The following ATP11A variants were observed in gnomAD, a reference collection of about 807,000 sequenced individuals.
The protein encoded by ATP11A is phospholipid-transporting ATPase IH.
ATP11A carries 81 observed loss-of-function variants against 154.4 expected under a neutral mutation model. The ratio of observed to expected loss-of-function variants is 0.52; its 90% CI spans 0.44 to 0.63. The LOEUF (loss-of-function observed/expected upper bound fraction) is 0.63. ATP11A is among the 30% of genes least tolerant of loss of function. The pLI is 0.00. For missense variants in ATP11A, 1,316 were observed against 1,474.3 expected, an observed-to-expected ratio of 0.89 and a Z score of 1.76; for synonymous variants, 623 against 585.9, an observed-to-expected ratio of 1.06 and a Z score of -0.91.
chr13:112,858,234 C>T lies in ATP11A; in HGVS notation c.2611C>T (p.His871Tyr). The change falls in exon 22 of 30, where the codon CAC becomes TAC. Residue 871 changes from histidine to tyrosine, a missense_variant. Around this residue, in one of 5 missense-constraint regions of ATP11A, gnomAD observed 19 missense variants for 46.6 expected, o/e 0.41. Transcript: ENST00000375645. ...GCATTTGAAGAAGATGCTGCTTGTT[C>T]ACGGGCATTTTTATTACATTAGGAT... ...FKHLKKMLLV[H>Y]GHFYYIRISE... 1.2e-6 allele frequency: 2 copies of T among 1,614,112 alleles called. No homozygotes were observed. The highest frequency in any genetic ancestry group is 1.7e-6 in the Non-Finnish European group (2 of 1,180,016).
chr13:112,725,597 G>A (rs958806629), intron 1 of ATP11A, among the ~76,000 whole-genome samples: 1 of 152,200 alleles, frequency 6.6e-6, no homozygotes, highest in Non-Finnish European at 1.5e-5. Flanking sequence ...CCAAGTGTGG[G>A]AAGCTTTTCT....
At chr13:112,711,809 T>G (rs1166950206) in intron 1 of ATP11A, among the ~76,000 whole-genome samples, 1 of 152,234 alleles carries the variant, frequency 6.6e-6, no homozygotes, top group Non-Finnish European at 1.5e-5. Context: ...AGCTCTTGGA[T>G]TGCTGTGAAC....
At chr13:112,705,174 A>G (rs991067921) in intron 1 of ATP11A, among the ~76,000 whole-genome samples, 1 of 152,244 alleles carries the variant, frequency 6.6e-6, no homozygotes, top group African/African-American at 2.4e-5. Flanking sequence ...ATCTGAAAGC[A>G]ACATGTAAAA....
chr13:112,811,044 T>A (rs542235626), intron 5 of ATP11A, among the ~76,000 whole-genome samples: 2 of 151,360 alleles, frequency 1.3e-5, no homozygotes, highest in Non-Finnish European at 2.9e-5. Flanking sequence ...AGGCCCAAGC[T>A]CCCTACTTCT....
chr13:112,826,690 G>A lies in ATP11A; in HGVS notation c.1024-4G>A. ...GTGCTGACCCGCACCTTCTGCTCTT[G>A]CAGTTCCTCAAGGCATTCACGGACT... On this transcript the variant is annotated splice_region_variant and splice_polypyrimidine_tract_variant and intron_variant, in intron 11 of 29. Coordinates refer to ENST00000375645, the MANE Select transcript of ATP11A (RefSeq NM_015205.3). 1 of 1,614,024 alleles carries A rather than the reference G, an allele frequency of 6.2e-7. No homozygotes were observed. Among genetic ancestry groups the A allele is most frequent in the Non-Finnish European group, 8.5e-7 (1 of 1,180,002 alleles).
intron 1 of ATP11A, among the ~76,000 whole-genome samples, chr13:112,719,574 A>G (rs1422365599): frequency 6.6e-6 from 1 of 152,238 alleles, no homozygotes; most frequent in East Asian, 1.9e-4. Flanking sequence ...GAGAGCTCCC[A>G]CTGGGCAATG....
intron 12 of ATP11A, among the ~76,000 whole-genome samples, chr13:112,830,171 A>G (rs1011030170): frequency 2.0e-5 from 3 of 152,244 alleles, no homozygotes; most frequent in Admixed American, 2.0e-4. Flanking sequence ...GTTCACTTTC[A>G]TGGTCATGTT....
chr13:112,824,673 C>T (rs540890326), intron 10 of ATP11A, among the ~76,000 whole-genome samples: 43 of 152,206 alleles, frequency 2.8e-4, no homozygotes, highest in Non-Finnish European at 4.7e-4. Context: ...GACGCCCTGA[C>T]GTTCCGGTTC....
intron 1 of ATP11A, chr13:112,745,578 G>T (rs1332480855): frequency 6.6e-6 from 1 of 152,080 alleles, no homozygotes; most frequent in Non-Finnish European, 1.5e-5. Context: ...ATCAGAGACA[G>T]TTTCAAATTT....
At chr13:112,793,752 C>T (rs995394372) in intron 2 of ATP11A, among the ~76,000 whole-genome samples, 2 of 152,234 alleles carry the variant, frequency 1.3e-5, no homozygotes, top group African/African-American at 4.8e-5. Context: ...GTTGAGGCTT[C>T]AGACAGCTTG....
At chr13:112,783,131 G>A (rs987914846) in intron 1 of ATP11A, among the ~76,000 whole-genome samples, 6 of 152,302 alleles carry the variant, frequency 3.9e-5, no homozygotes, top group East Asian at 1.9e-4. Flanking sequence ...GCTCCTGTCC[G>A]GGACGTTCTG....
At chr13:112,720,466 G>A (rs1889019224) in intron 1 of ATP11A, among the ~76,000 whole-genome samples, 1 of 152,256 alleles carries the variant, frequency 6.6e-6, no homozygotes, top group African/African-American at 2.4e-5. Flanking sequence ...GTCTGCTGTG[G>A]CCGCGGGTCC....
rs933904238 is a variant in ATP11A at position 112,746,643 on chromosome 13, T to C, written c.40-38492T>C. 8 of 149,586 alleles carry C rather than the reference T, an allele frequency of 5.3e-5. No individual in the cohort carries two copies. Among genetic ancestry groups the C allele is most frequent in the Non-Finnish European group, 1.2e-4 (8 of 67,714 alleles). The allele number at this position is 149,586 out of a possible 1,614,324, so 9.3% of individuals were successfully genotyped here. On this transcript the variant is annotated intron_variant, in intron 1 of 29. Transcript: ENST00000375645. This position sits in a 1 kb window ranked among gnomAD's most constrained non-coding sequence, Gnocchi z 4.1. ...TCACTGCAGCTTCGACCTCCTGGGC[T>C]CAAGCGATCCTCCCACCTCAGTCTC... is the stretch of plus-strand genomic sequence containing the variant.
intron 1 of ATP11A, among the ~76,000 whole-genome samples, chr13:112,731,352 C>G (rs181040818): frequency 1.3e-4 from 20 of 151,018 alleles, no homozygotes; most frequent in Admixed American, 9.2e-4. Flanking sequence ...CTAAAGAAAA[C>G]AGAAATGCCA....
At chr13:112,719,323 T>C (rs917634801) in intron 1 of ATP11A, among the ~76,000 whole-genome samples, 5 of 152,244 alleles carry the variant, frequency 3.3e-5, no homozygotes, top group African/African-American at 1.2e-4. Flanking sequence ...CTCAATGCCT[T>C]GCATGCCTTT....
At chr13:112,712,786 TAA>T (rs1486206019) in intron 1 of ATP11A, among the ~76,000 whole-genome samples, 1 of 152,084 alleles carries the variant, frequency 6.6e-6, no homozygotes, top group Non-Finnish European at 1.5e-5. Flanking sequence ...CTGGAAAAAA[TAA>T]AGAGGGTGTT....
At chr13:112,796,155 A>C (rs1290875614) in intron 2 of ATP11A, among the ~76,000 whole-genome samples, 1 of 152,170 alleles carries the variant, frequency 6.6e-6, no homozygotes, top group Non-Finnish European at 1.5e-5. Context: ...AGAGCTAGCC[A>C]TGTGTTCTCT....
At chr13:112,810,891 G>A (rs112635857) in intron 5 of ATP11A, among the ~76,000 whole-genome samples, 165 bp downstream of exon 5, 6 of 152,226 alleles carry the variant, frequency 3.9e-5, no homozygotes, top group East Asian at 1.9e-4. Context: ...AGGCTTCACC[G>A]TGCCTGTGAA....
At chr13:112,774,213 T>C (rs762383002) in intron 1 of ATP11A, among the ~76,000 whole-genome samples, 14 of 152,254 alleles carry the variant, frequency 9.2e-5, no homozygotes, top group Non-Finnish European at 1.9e-4. Flanking sequence ...AGATTTTACT[T>C]GGGTCTGGTG....
Sources: gnomAD v4.1 joint callset for allele counts (sites outside exome capture counted in the v4.1 genomes callset) on GRCh38, gnomAD v4.1.1 for gene constraint, gnomAD v4.1.1 regional missense constraint, Gnocchi (gnomAD v3.1) non-coding constraint, MANE v1.5 for transcripts, NCBI Gene and HGNC (gene_info 2026-07-23, HGNC 2026-07-21) for gene names.